WNK2: variants seen among roughly 807,000 people sequenced by gnomAD.
WNK2 encodes the protein serine/threonine-protein kinase WNK2.
WNK2 carries 67 observed loss-of-function variants against 192.1 expected under a neutral mutation model. The ratio of observed to expected loss-of-function variants is 0.35; its 90% CI spans 0.29 to 0.43. The LOEUF is 0.43. Ranked by LOEUF, WNK2 falls within the 20% of genes least tolerant of loss-of-function variation. The pLI, the probability that WNK2 is intolerant of heterozygous loss-of-function variation, is 1.00. For synonymous variants in WNK2, 1,439 were observed against 1,393.9 expected (o/e 1.03, Z -0.72); for missense variants, 2,698 against 3,089.7 (o/e 0.87, Z 3.01).
chr9:93,234,099 C>T (rs938625511), intron 4 of WNK2, among the ~76,000 whole-genome samples: 13 of 152,222 alleles, frequency 8.5e-5, no homozygotes, highest in African/African-American at 2.9e-4. Flanking sequence ...CACGTCTAGC[C>T]TCATGCTCAT....
chr9:93,308,216 C>T (rs1054393613), intron 27 of WNK2, 112 bp from the exon 28 acceptor site: 8 of 1,468,670 alleles, frequency 5.4e-6, no homozygotes, highest in Non-Finnish European at 6.3e-6. Flanking sequence ...TGCTGCCTGG[C>T]CCAAGTGAGA....
At chr9:93,303,656 G>C (rs991540854) in intron 26 of WNK2, among the ~76,000 whole-genome samples, 2 of 152,216 alleles carry the variant, frequency 1.3e-5, no homozygotes, top group African/African-American at 4.8e-5. Context: ...TGCAGCCAGG[G>C]TGGTCAGTGC....
At chr9:93,303,919 C>G (rs1421399440) in intron 26 of WNK2, among the ~76,000 whole-genome samples, 5 of 152,190 alleles carry the variant, frequency 3.3e-5, no homozygotes, top group Non-Finnish European at 7.4e-5. Flanking sequence ...GAAAAGGGAG[C>G]CAGTGCTGAC....
intron 4 of WNK2, among the ~76,000 whole-genome samples, chr9:93,231,603 A>C (rs1207796119): frequency 6.6e-6 from 1 of 152,240 alleles, no homozygotes; most frequent in African/African-American, 2.4e-5. Context: ...GTGAGGCCCA[A>C]GGAAGTGAGA....
intron 23 of WNK2, among the ~76,000 whole-genome samples, chr9:93,294,061 C>T (rs921904728): frequency 2.0e-5 from 3 of 152,116 alleles, no homozygotes; most frequent in East Asian, 3.9e-4. Context: ...GGATGTCCTT[C>T]GGGATGGGAG....
intron 13 of WNK2, among the ~76,000 whole-genome samples, chr9:93,262,335 C>T (rs1314888006): frequency 1.3e-5 from 2 of 152,232 alleles, no homozygotes; most frequent in South Asian, 2.1e-4. Context: ...TTCCCTGGGA[C>T]AGGATGCAAG....
chr9:93,189,915 G>T (rs955657947), intron 2 of WNK2, among the ~76,000 whole-genome samples: 43 of 152,344 alleles, frequency 2.8e-4, no homozygotes, highest in African/African-American at 1.0e-3. Flanking sequence ...GAGGAGACGA[G>T]GGGACGAGCC....
At position 93,211,108 on chromosome 9, in the gene WNK2, A is replaced by T. The variant is rs866719460; in HGVS notation, c.682-18588A>T. ...CATTTACTCATTCACTCACTCATCC[A>T]CTCACTCACTCATCCCCTCACTTAC... On this transcript the variant is annotated intron_variant, in intron 2 of 29. Transcript: ENST00000427277. 5.2e-3 allele frequency among the ~76,000 whole-genome samples: 781 copies of T among 151,378 alleles called. 4 individuals are homozygous for T. Among genetic ancestry groups the T allele is most frequent in the African/African-American group, 0.018 (733 of 41,240 alleles).
intron 2 of WNK2, among the ~76,000 whole-genome samples, chr9:93,219,446 T>G (rs1265327984): frequency 6.6e-6 from 1 of 152,208 alleles, no homozygotes; most frequent in Non-Finnish European, 1.5e-5. Context: ...ATATGGATCC[T>G]AGGGAGGAAG....
At position 93,229,834 on chromosome 9, in the gene WNK2, G is replaced by A; in HGVS notation, c.820G>A (p.Val274Met). Residue 274 changes from valine to methionine, a missense_variant, in exon 3 of 30, where the codon GTG becomes ATG. By Grantham distance (21) the Val-to-Met change is conservative. Transcript: ENST00000427277. The surrounding 1 kb of genome is among the most constrained non-coding windows in gnomAD (Gnocchi z 4.9). Reference sequence around the variant, plus strand: ...CAAGGGCAAGCGGTGCATTGTGCTGGTGACGGAGCTGATGACCTCAGGGAC... The same window carrying A: ...CAAGGGCAAGCGGTGCATTGTGCTGATGACGGAGCTGATGACCTCAGGGAC... The part of the protein sequence containing the change: ...SAKGKRCIVL[V>M]TELMTSGTLK... 6.2e-7 allele frequency: 1 copy of A among 1,613,952 alleles called. No individual in the cohort carries two copies. The highest frequency in any genetic ancestry group is 8.5e-7 in the Non-Finnish European group (1 of 1,179,878).
At chr9:93,189,434 G>T (rs528426801) in intron 2 of WNK2, among the ~76,000 whole-genome samples, 1 of 152,210 alleles carries the variant, frequency 6.6e-6, no homozygotes, top group Non-Finnish European at 1.5e-5. Flanking sequence ...GGGTGGGGGC[G>T]CTGCTTCTAG....
chr9:93,206,713 C>T (rs1356648645), intron 2 of WNK2, among the ~76,000 whole-genome samples: 5 of 152,156 alleles, frequency 3.3e-5, no homozygotes, highest in Admixed American at 1.3e-4. Flanking sequence ...ATCAGGGCCC[C>T]GAGTTTGGGG....
chr9:93,270,205 C>T (rs965522694), intron 19 of WNK2, among the ~76,000 whole-genome samples: 6 of 152,164 alleles, frequency 3.9e-5, no homozygotes, highest in African/African-American at 1.4e-4. Flanking sequence ...AGAGAGGAGC[C>T]CACCTCAGAG....
rs891080303 is a variant in WNK2, at chr9:93,259,763, C to T, written c.3066+149C>T. The stretch of plus-strand genomic sequence containing the variant: ...GAGATGTGTGTGAGGCTGAGGGAGG[C>T]GGGGGCTGGCGCCAGCGCGAGGCAT... On this transcript the variant is annotated intron_variant, in intron 12 of 29. Coordinates refer to ENST00000427277, the MANE Select transcript of WNK2 (RefSeq NM_006648.4). The surrounding 1 kb of genome is among the most constrained non-coding windows in gnomAD (Gnocchi z 4.8). 11 of 742,876 alleles carry T rather than the reference C, an allele frequency of 1.5e-5. No individual in the cohort carries two copies. Among genetic ancestry groups the T allele is most frequent in the African/African-American group, 5.3e-5 (3 of 56,560 alleles). 46.0% of individuals were successfully genotyped at this position (742,876 alleles called of 1,614,324 possible). A position where few individuals can be genotyped will look rare whatever the true frequency, so the allele number is the denominator to read the frequency against.
chr9:93,317,239 C>G (rs1269995878), intron 28 of WNK2: 7 of 554,036 alleles, frequency 1.3e-5, no homozygotes, highest in Non-Finnish European at 1.6e-5. Flanking sequence ...GGGTCCAGGC[C>G]CCACTAGTCC....
rs748632324 is a variant in WNK2 at position 93,247,818 on chromosome 9, C to T, written c.1818C>T (p.Ser606=). The change falls in exon 8 of 30, where the codon AGC becomes AGT. Residue 606 remains serine, a synonymous_variant. Transcript: ENST00000427277. This position sits in a 1 kb window ranked among gnomAD's most constrained non-coding sequence, Gnocchi z 5.2. ...TCCTGCCACCTACGTTGCCGACCAG[C>T]GCCACCTCCCTGGCCTGTGAGTGCT... is the stretch of plus-strand genomic sequence containing the variant. ...QHLLPPTLPT[S]ATSLASDSTF... 1.6e-5 allele frequency: 24 copies of T among 1,539,440 alleles called. No homozygotes were observed. Among genetic ancestry groups the T allele is most frequent in the South Asian group, 3.6e-5 (3 of 84,014 alleles).
At chr9:93,279,847 T>TAC (rs923439411) in intron 19 of WNK2, among the ~76,000 whole-genome samples, 4 of 152,090 alleles carry the variant, frequency 2.6e-5, no homozygotes, top group Non-Finnish European at 5.9e-5. Context: ...ATCATCCTTA[T>TAC]ACACACACAC....
chr9:93,190,721 G>A (rs912644580), intron 2 of WNK2, among the ~76,000 whole-genome samples: 4 of 152,380 alleles, frequency 2.6e-5, no homozygotes, highest in African/African-American at 9.6e-5. Context: ...CTGGGATGTG[G>A]CTGGGGCAGC....
rs766829516 is a variant in WNK2 at position 93,292,402 on chromosome 9, G to A, written c.5025+6G>A. On this transcript the variant is annotated splice_donor_region_variant and intron_variant, in intron 22 of 29. Coordinates refer to ENST00000427277, the MANE Select transcript of WNK2 (RefSeq NM_006648.4). Reference sequence around the variant, plus strand: ...TGGTCCCCAGCGTCCCCCAGGTAAGGGCGACTTGACGACCCCCTGGCTGGT... The same window carrying A: ...TGGTCCCCAGCGTCCCCCAGGTAAGAGCGACTTGACGACCCCCTGGCTGGT... 2 of 1,613,918 alleles carry A rather than the reference G, an allele frequency of 1.2e-6. No individual in the cohort carries two copies. The highest frequency in any genetic ancestry group is 3.3e-5 in the Admixed American group (2 of 60,018).
Sources: gnomAD v4.1 joint callset for allele counts (sites outside exome capture counted in the v4.1 genomes callset) on GRCh38, gnomAD v4.1.1 for gene constraint, Gnocchi (gnomAD v3.1) non-coding constraint, MANE v1.5 for transcripts, NCBI Gene and HGNC (gene_info 2026-07-23, HGNC 2026-07-21) for gene names.